Variants in EPS15 observed in about 807,000 individuals in gnomAD.
EPS15 encodes the protein epidermal growth factor receptor pathway substrate 15, also known as epidermal growth factor receptor substrate 15.
EPS15 carries 72 observed loss-of-function variants against 113.8 expected under a neutral mutation model. The observed-to-expected ratio is 0.63, with a 90% CI of 0.52 to 0.77. EPS15 has a LOEUF of 0.77. EPS15 is among the 30% of genes least tolerant of loss of function. The pLI is 0.00. For synonymous variants in EPS15, 344 were observed against 363.4 expected, an observed-to-expected ratio of 0.95 and a Z score of 0.61; for missense variants, 1,048 against 1,045.8, an observed-to-expected ratio of 1.00 and a Z score of -0.03.
At chr1:51,404,301 C>T (rs576390555) in intron 16 of EPS15, among the ~76,000 whole-genome samples, 296 of 151,966 alleles carry the variant, frequency 1.9e-3, no homozygotes, top group Middle Eastern at 3.4e-3. Context: ...TAGCTTGAAC[C>T]CAGGAGGCAG....
At position 51,358,699 on chromosome 1, in the gene EPS15, G is replaced by GTTTTTTTTTTTTTTT. The variant is rs1181151202; in HGVS notation, c.2545-1854_2545-1853insAAAAAAAAAAAAAAA. Among the ~76,000 whole-genome samples, 23 of 129,332 alleles carry GTTTTTTTTTTTTTTT rather than the reference G, an allele frequency of 1.8e-4. 1 individual carries two copies. Among genetic ancestry groups the GTTTTTTTTTTTTTTT allele is most frequent in the African/African-American group, 6.7e-4 (23 of 34,348 alleles). 84.8% of individuals were successfully genotyped at this position (129,332 alleles called of 152,430 possible). The stretch of plus-strand genomic sequence containing the variant: ...TTCAAGACTCCTTCCAACCAGATTT[G>GTTTTTTTTTTTTTTT]TTTTTTTTTGTTTTTTTTTTTTTTT... On this transcript the variant is annotated intron_variant, in intron 24 of 24. Transcript: ENST00000371733.
chr1:51,385,367 C>G (rs954731495), intron 21 of EPS15, among the ~76,000 whole-genome samples: 1 of 152,040 alleles, frequency 6.6e-6, no homozygotes, highest in Admixed American at 6.6e-5. Flanking sequence ...AATAAGATAC[C>G]ACTTCACACC....
At chr1:51,457,058 G>GGCAGATCACGAGGTCAGGA (rs1654052157) in intron 8 of EPS15, among the ~76,000 whole-genome samples, 1 of 152,036 alleles carries the variant, frequency 6.6e-6, no homozygotes, top group Non-Finnish European at 1.5e-5. Context: ...GGCCGAGGCG[G>GGCAGATCACGAGGTCAGGA]GCAGATCACG....
rs758737652 is a variant in EPS15 at position 51,421,812 on chromosome 1, T to C, written c.1087A>G (p.Ile363Val). Residue 363 changes from isoleucine (I) to valine (V), a missense_variant, in exon 13 of 25, where the codon ATT becomes GTT. By Grantham distance (29) the Ile-to-Val change is conservative (BLOSUM62 3). Transcript: ENST00000371733. ...EQDLKEKEDT[I>V]KQRTSEVQDL... is the part of the protein sequence containing the mutation. ...TGAACCTCACTTGTCCTCTGTTTAATAGTATCTTCCTTCTCCTTAAGGTCC... is the reference window on the plus strand; with the variant it reads ...TGAACCTCACTTGTCCTCTGTTTAACAGTATCTTCCTTCTCCTTAAGGTCC... The C allele has an allele frequency of 3.3e-5, 53 of 1,606,596 alleles. No homozygotes were observed. The highest frequency in any genetic ancestry group is 5.6e-5 in the South Asian group (5 of 89,396).
chr1:51,516,847 T>G (rs1644727694), intron 1 of EPS15, among the ~76,000 whole-genome samples: 1 of 152,230 alleles, frequency 6.6e-6, no homozygotes, highest in Non-Finnish European at 1.5e-5. Flanking sequence ...CCTACAACAG[T>G]TATTAATTAC....
At position 51,403,444 on chromosome 1, in the gene EPS15, A is replaced by C; in HGVS notation, c.1766T>G (p.Leu589Arg). ...TAVTEKVCSE[L>R]DNNRHSKEED... ...CTCTTTTGAATGTCTATTATTGTCG[A>C]GTTCAGAACAAACTTTTTCAGTAAC... Residue 589 changes from leucine (L) to arginine (R), a missense_variant, in exon 17 of 25, where the codon CTC (leucine) becomes CGC (arginine). By Grantham distance (102) the Leu-to-Arg change is moderately radical. Coordinates refer to ENST00000371733, the MANE Select transcript of EPS15 (RefSeq NM_001981.3). 1 of 1,605,070 alleles carries C rather than the reference A, an allele frequency of 6.2e-7. No homozygotes were observed. Among genetic ancestry groups the C allele is most frequent in the East Asian group, 2.2e-5 (1 of 44,766 alleles).
At chr1:51,402,577 G>T in intron 17 of EPS15, 52 bp from the exon 18 acceptor site, 7 of 956,816 alleles carry the variant, frequency 7.3e-6, no homozygotes, top group Non-Finnish European at 1.1e-5. Context: ...AGTTTTAAAA[G>T]GTAACATTTT....
rs139662754 is a variant in EPS15 at position 51,420,158 on chromosome 1, G to C, written c.1113+1628C>G. On this transcript the variant is annotated intron_variant, in intron 13 of 24. Coordinates refer to ENST00000371733, the MANE Select transcript of EPS15 (RefSeq NM_001981.3). The stretch of plus-strand genomic sequence containing the variant: ...ACATTTTGGATTTTGCAAAGCTTAA[G>C]GTTAGACATACACCTTACCATTGCC... Among the ~76,000 whole-genome samples, 150 of 152,140 alleles carry C rather than the reference G, an allele frequency of 9.9e-4. 1 individual carries two copies. Among genetic ancestry groups the C allele is most frequent in the African/African-American group, 3.6e-3 (148 of 41,512 alleles).
intron 11 of EPS15, among the ~76,000 whole-genome samples, chr1:51,441,923 G>C (rs1652627100): frequency 6.6e-6 from 1 of 152,048 alleles, no homozygotes; most frequent in African/African-American, 2.4e-5. Context: ...TGATAAAACA[G>C]GTACATCAAT....
At chr1:51,382,214 C>T (rs1260366701) in intron 21 of EPS15, 1 of 152,100 alleles carries the variant, frequency 6.6e-6, no homozygotes, top group African/African-American at 2.4e-5. Flanking sequence ...CTGAGAAACA[C>T]AAGTCATGGA....
intron 21 of EPS15, among the ~76,000 whole-genome samples, chr1:51,385,696 C>T (rs181398194): frequency 6.6e-6 from 1 of 152,160 alleles, no homozygotes; most frequent in African/African-American, 2.4e-5. Context: ...GCAGTATATA[C>T]ATATAATAGA....
chr1:51,405,755 G>T, intron 16 of EPS15, 150 bp downstream of exon 16: 1 of 633,212 alleles, frequency 1.6e-6, no homozygotes. Context: ...ACGTACAATT[G>T]TTTGGATTAG....
At chr1:51,405,713 T>C (rs1570226392) in intron 16 of EPS15, among the ~76,000 whole-genome samples, 192 bp downstream of exon 16, 2 of 147,642 alleles carry the variant, frequency 1.4e-5, no homozygotes, top group South Asian at 4.4e-4. Flanking sequence ...AAAAAAAAAA[T>C]TAGCTAAAGT....
At chr1:51,357,122 TA>T (rs2148334591) in intron 24 of EPS15, among the ~76,000 whole-genome samples, 1 of 151,882 alleles carries the variant, frequency 6.6e-6, no homozygotes, top group South Asian at 2.1e-4. Context: ...CTCATGCCTG[TA>T]ATCCCAGCAC....
intron 23 of EPS15, among the ~76,000 whole-genome samples, chr1:51,363,069 G>A (rs1349852287): frequency 6.6e-6 from 1 of 152,048 alleles, no homozygotes. Context: ...AGGCCGAGGT[G>A]GACAGATCAC....
intron 1 of EPS15, among the ~76,000 whole-genome samples, chr1:51,498,948 G>A (rs966835495): frequency 1.3e-5 from 2 of 152,102 alleles, no homozygotes; most frequent in South Asian, 2.1e-4. Flanking sequence ...ATTTAGGTAC[G>A]TATCAAAGAG....
intron 12 of EPS15, chr1:51,423,110 A>C: frequency 2.3e-6 from 2 of 887,468 alleles, no homozygotes; most frequent in Non-Finnish European, 3.0e-6. Flanking sequence ...ATACGTAGGC[A>C]CAATGTTCTT....
chr1:51,432,467 C>CTAAGTAATTTT (rs1651819068), intron 12 of EPS15, among the ~76,000 whole-genome samples: 1 of 151,606 alleles, frequency 6.6e-6, no homozygotes. Flanking sequence ...CATGCCCAGC[C>CTAAGTAATTTT]TAAGTAATTT....
chr1:51,376,063 G>A (rs1646789945), intron 21 of EPS15, among the ~76,000 whole-genome samples: 1 of 152,228 alleles, frequency 6.6e-6, no homozygotes, highest in Non-Finnish European at 1.5e-5. Context: ...AGACAAAGCA[G>A]TCTTCTACTG....
Sources: gnomAD v4.1 joint callset for allele counts (sites outside exome capture counted in the v4.1 genomes callset) on GRCh38, gnomAD v4.1.1 for gene constraint, MANE v1.5 for transcripts, NCBI Gene and HGNC (gene_info 2026-07-23, HGNC 2026-07-21) for gene names.